Variants in SETD9 observed in about 807,000 individuals in gnomAD.
SETD9 encodes SET domain containing 9, also known as SET domain-containing protein 9.
SETD9 carries 37 observed loss-of-function variants against 36.4 expected under a neutral mutation model. The ratio of observed to expected loss-of-function variants is 1.02; its 90% CI spans 0.78 to 1.34. The LOEUF is 1.34. Ranked by LOEUF, SETD9 falls within the 40% of genes most tolerant of loss-of-function variation. The probability of loss-of-function intolerance (pLI) is 0.00; values close to 1 mark genes in which losing one functional copy is unlikely to be tolerated. For missense variants in SETD9, 323 were observed against 353.2 expected (o/e 0.91, Z 0.69); for synonymous variants, 128 against 132.9 (o/e 0.96, Z 0.26).
In SETD9 at chr5:56,911,280, ACAAT is replaced by A. The variant is rs958879400; in HGVS notation, c.213_216del (p.Ser72LysfsTer25). ...CTCTATTCTTAAATGATTTCAATAA[ACAAT>A]CAGAAATCTTGTCTATGCTTCCAGA... On this transcript the variant is annotated frameshift_variant, in exon 2 of 6. Transcript: ENST00000285947. LOFTEE classifies it high-confidence loss of function. The A allele has an allele frequency of 1.9e-6, 3 of 1,612,008 alleles. No individual in the cohort carries two copies. Among genetic ancestry groups the A allele is most frequent in the Non-Finnish European group, 2.5e-6 (3 of 1,179,298 alleles).
downstream of SETD9, chr5:56,922,248 G>T (rs2112058506): frequency 6.6e-6 from 1 of 152,660 alleles, no homozygotes; most frequent in East Asian, 1.9e-4. Context: ...ACTGCCTCAG[G>T]ATAAACTAAA....
chr5:56,928,843 G>A (rs1392233404), downstream of SETD9: 6 of 1,612,608 alleles, frequency 3.7e-6, no homozygotes, highest in Admixed American at 1.7e-5. Flanking sequence ...TTCTTCTTCC[G>A]TCCATGCAGT....
exon 6 of SETD9, chr5:56,925,436 A>G (rs1561230858): frequency 2.5e-6 from 1 of 401,926 alleles, no homozygotes; most frequent in South Asian, 1.9e-5. Context: ...TTAATACACA[A>G]AAGTCAACTG....
intron 4 of SETD9, among the ~76,000 whole-genome samples, chr5:56,914,213 A>G (rs1178594481): frequency 6.6e-6 from 1 of 152,218 alleles, no homozygotes; most frequent in Non-Finnish European, 1.5e-5. Context: ...CTGATTTTGC[A>G]GTGAATATAG....
chr5:56,918,814 T>C (rs1749531297), downstream of SETD9, among the ~76,000 whole-genome samples: 1 of 152,200 alleles, frequency 6.6e-6, no homozygotes, highest in African/African-American at 2.4e-5. Context: ...TCACTGCATC[T>C]TAAAAATGGA....
downstream of SETD9, among the ~76,000 whole-genome samples, chr5:56,918,660 C>T (rs902202473): frequency 4.6e-5 from 7 of 152,194 alleles, no homozygotes; most frequent in African/African-American, 1.7e-4. Context: ...CACCACAGAG[C>T]CCTATGTGCT....
intron 1 of SETD9, chr5:56,910,895 C>T (rs1749083510): frequency 4.4e-6 from 1 of 226,334 alleles, no homozygotes; most frequent in African/African-American, 2.3e-5. Context: ...AACAATTTTG[C>T]TTTCCTTGTC....
At position 56,911,037 on chromosome 5, in the gene SETD9, C is replaced by G. The variant is rs1749090762; in HGVS notation, c.99-132C>G. 2.9e-6 allele frequency: 3 copies of G among 1,039,780 alleles called. No homozygotes were observed. The South Asian group carries it at 6.2e-5, about 21-fold the overall frequency. 64.4% of individuals were successfully genotyped at this position (1,039,780 alleles called of 1,614,324 possible). ...CTCCCTCAAACAATTCTTTTCTGAA[C>G]TTAGTTTCCAGCCCTCCACACACAT... is the stretch of plus-strand genomic sequence containing the variant. On this transcript the variant is annotated intron_variant, in intron 1 of 5. Coordinates refer to ENST00000285947, the MANE Select transcript of SETD9 (RefSeq NM_153706.4).
In SETD9 at chr5:56,912,978, G is replaced by A. The variant is rs772737491; in HGVS notation, c.467-33G>A. 11 of 1,600,342 alleles carry A rather than the reference G, an allele frequency of 6.9e-6. No homozygotes were observed. In the African/African-American group the frequency reaches 1.2e-4, roughly 18 times the overall value. Reference sequence around the variant, plus strand: ...CGCAGTGTTTATGATTTTTCATGTTGTTATCATATTTCTTTGTCTTGTTGT... The same window carrying A: ...CGCAGTGTTTATGATTTTTCATGTTATTATCATATTTCTTTGTCTTGTTGT... On this transcript the variant is annotated intron_variant, in intron 2 of 5. Transcript: ENST00000285947.
At position 56,913,057 on chromosome 5, in the gene SETD9, A is replaced by G. The variant is rs2112019504; in HGVS notation, c.513A>G (p.Gly171=). 1 of 1,614,036 alleles carries G rather than the reference A, an allele frequency of 6.2e-7. No homozygotes were observed. The highest frequency in any genetic ancestry group is 1.6e-4 in the Middle Eastern group (1 of 6,062). Residue 171 remains glycine, a synonymous_variant, in exon 3 of 6, where the codon GGA becomes GGG. Coordinates refer to ENST00000285947, the MANE Select transcript of SETD9 (RefSeq NM_153706.4). ...AGCCGATCTTTTTCCAGTCCATTGGAAATCCGTTTATTTTTAGATGCCTGG... is the reference window on the plus strand; with the variant it reads ...AGCCGATCTTTTTCCAGTCCATTGGGAATCCGTTTATTTTTAGATGCCTGG... The part of the protein sequence containing the change: ...KYEPIFFQSI[G]NPFIFRCLDG...
At chr5:56,910,438 C>G (rs752200996) in intron 1 of SETD9, 2 of 1,276,624 alleles carry the variant, frequency 1.6e-6, no homozygotes, top group South Asian at 2.5e-5. Context: ...GTGATCAGCT[C>G]AACACCGTGC....
In SETD9 at chr5:56,913,153, C is replaced by A; in HGVS notation, c.590+19C>A. ...TGTACAGGTAAGTGATGCCCATGTTCAAATTTAATTATAGGAGACAGAACC... is the reference window on the plus strand; with the variant it reads ...TGTACAGGTAAGTGATGCCCATGTTAAAATTTAATTATAGGAGACAGAACC... On this transcript the variant is annotated intron_variant, in intron 3 of 5. Transcript: ENST00000285947. 2 of 1,611,804 alleles carry A rather than the reference C, an allele frequency of 1.2e-6. No homozygotes were observed. Among genetic ancestry groups the A allele is most frequent in the South Asian group, 2.2e-5 (2 of 90,744 alleles).
At chr5:56,918,434 T>TA (rs1186926767), downstream of SETD9, among the ~76,000 whole-genome samples, 1 of 152,160 alleles carries the variant, frequency 6.6e-6, no homozygotes. Context: ...CTTTAGCACT[T>TA]ACCACCAGCA....
At chr5:56,910,903 G>C in intron 1 of SETD9, 1 of 239,220 alleles carries the variant, frequency 4.2e-6, no homozygotes, top group Non-Finnish European at 8.1e-6. Flanking sequence ...TGCTTTCCTT[G>C]TCTGCAAAAA....
chr5:56,919,789 G>GTACT (rs1749581317), downstream of SETD9: 1 of 152,536 alleles, frequency 6.6e-6, no homozygotes, highest in African/African-American at 2.4e-5. Flanking sequence ...TACTCACAGG[G>GTACT]TACTTATTTC....
rs376696056 is a variant in SETD9 at position 56,909,759 on chromosome 5, G to T, written c.98+16G>T. On this transcript the variant is annotated intron_variant, in intron 1 of 5. Transcript: ENST00000285947. Reference sequence around the variant, plus strand: ...ACAACCCGAGGTGAGAGGGCGGGACGGCAGAACGAGGGGCACCTGCCTTCG... The same window carrying T: ...ACAACCCGAGGTGAGAGGGCGGGACTGCAGAACGAGGGGCACCTGCCTTCG... 54 of 1,602,736 alleles carry T rather than the reference G, an allele frequency of 3.4e-5. No individual in the cohort carries two copies. The highest frequency in any genetic ancestry group is 4.2e-5 in the Non-Finnish European group (49 of 1,173,456).
In SETD9 at chr5:56,924,559, C is replaced by T. The variant is rs543314816; in HGVS notation, c.813-774C>T. Among the ~76,000 whole-genome samples, 4 of 152,322 alleles carry T rather than the reference C, an allele frequency of 2.6e-5. No individual in the cohort carries two copies. The South Asian group carries it at 8.3e-4, about 32-fold the overall frequency. The stretch of plus-strand genomic sequence containing the variant: ...TCCAAAAGAGATTAAGAACCCTTGG[C>T]AAATGGACCAACGGTCTACAGCATC... On this transcript the variant is annotated intron_variant, in intron 5 of 5. Coordinates refer to the SETD9 transcript ENST00000628593.
chr5:56,913,193 G>A (rs1330024635), intron 3 of SETD9, 59 bp downstream of exon 3: 2 of 1,552,674 alleles, frequency 1.3e-6, no homozygotes, highest in Non-Finnish European at 1.8e-6. Flanking sequence ...TTACCACAAT[G>A]ATTATGACTA....
chr5:56,928,839 T>C, downstream of SETD9: 1 of 1,613,796 alleles, frequency 6.2e-7, no homozygotes, highest in Non-Finnish European at 8.5e-7. Flanking sequence ...GGCATTCTTC[T>C]TCCGTCCATG....
Sources: allele counts gnomAD v4.1 joint callset (sites outside exome capture counted in the v4.1 genomes callset), GRCh38; gene constraint gnomAD v4.1.1; transcripts MANE v1.5; gene names NCBI Gene and HGNC (gene_info 2026-07-23, HGNC 2026-07-21).